Variants in AGAP3 observed in about 807,000 individuals in gnomAD.
The protein encoded by AGAP3 is arf-GAP with GTPase, ANK repeat and PH domain-containing protein 3.
Under a neutral mutation model 96.9 loss-of-function variants are expected in AGAP3, and 24 were observed. The ratio of observed to expected loss-of-function variants is 0.25; its 90% CI spans 0.18 to 0.35. The LOEUF is 0.35. Ranked by LOEUF, AGAP3 falls within the 10% of genes least tolerant of loss-of-function variation. The pLI, the probability that AGAP3 is intolerant of heterozygous loss-of-function variation, is 1.00. For missense variants in AGAP3, 876 were observed against 1,254.2 expected, an observed-to-expected ratio of 0.70 and a Z score of 4.55; for synonymous variants, 563 against 536.1, an observed-to-expected ratio of 1.05 and a Z score of -0.69.
intron 1 of AGAP3, among the ~76,000 whole-genome samples, chr7:151,111,763 C>A (rs1413886409): frequency 6.6e-6 from 1 of 152,190 alleles, no homozygotes; most frequent in Non-Finnish European, 1.5e-5. Flanking sequence ...CCAGGATGCA[C>A]ACTGCGGGCA....
chr7:151,089,451 C>T (rs922125537), intron 1 of AGAP3, among the ~76,000 whole-genome samples: 7 of 152,126 alleles, frequency 4.6e-5, no homozygotes, highest in African/African-American at 1.2e-4. Context: ...CTAAGCCTCT[C>T]GGTGGAAAGG....
Position 151,141,891 on chromosome 7 carries a change from C to G in AGAP3, c.1805-7C>G, listed in dbSNP as rs745660316. The G allele has an allele frequency of 5.6e-6, 9 of 1,614,144 alleles. No individual in the cohort carries two copies. Among genetic ancestry groups the G allele is most frequent in the East Asian group, 4.5e-5 (2 of 44,878 alleles). On this transcript the variant is annotated splice_polypyrimidine_tract_variant and splice_region_variant and intron_variant, in intron 13 of 17. Transcript: ENST00000397238. The surrounding 1 kb of genome is among the most constrained non-coding windows in gnomAD (Gnocchi z 4.2). Reference sequence around the variant, plus strand: ...GAGCCCTGATGGCATAAACACCCCCCCAACAGAGGCAGAGGAGTCGTTTGA... The same window carrying G: ...GAGCCCTGATGGCATAAACACCCCCGCAACAGAGGCAGAGGAGTCGTTTGA...
intron 1 of AGAP3, among the ~76,000 whole-genome samples, chr7:151,112,014 G>A (rs565839398): frequency 1.3e-4 from 20 of 152,334 alleles, no homozygotes; most frequent in Non-Finnish European, 2.2e-4. Context: ...TGTGTTTGCT[G>A]CGTGTCTTTG....
intron 1 of AGAP3, among the ~76,000 whole-genome samples, chr7:151,106,562 TCTC>T (rs1050775065): frequency 1.8e-4 from 28 of 151,982 alleles, no homozygotes; most frequent in Middle Eastern, 6.8e-3. Context: ...ACTGCAGCCT[TCTC>T]CTCCCGGGTT....
chr7:151,142,475 GAC>G lies in AGAP3; in HGVS notation c.2117_2118del (p.His706ProfsTer12). ...TGCATTGAGTGCTCAGGCATCCACC[GAC>G]ACCTGGGGGCTCACCTGTCCCGGGT... On this transcript the variant is annotated frameshift_variant, in exon 16 of 18. Coordinates refer to ENST00000397238, the MANE Select transcript of AGAP3 (RefSeq NM_031946.7). LOFTEE classifies it high-confidence loss of function. This position sits in a 1 kb window ranked among gnomAD's most constrained non-coding sequence, Gnocchi z 7.5. 1.2e-6 allele frequency: 2 copies of G among 1,613,926 alleles called. No individual in the cohort carries two copies. The highest frequency in any genetic ancestry group is 1.7e-6 in the Non-Finnish European group (2 of 1,180,038).
At position 151,094,021 on chromosome 7, in the gene AGAP3, G is replaced by GC. The variant is rs1179065993; in HGVS notation, c.331+6955dup. ...TCTGTCATGCAGCACTTTGAGATGC[G>GC]CCCCCCTTGGAGCCCTCCAGGAGCT... is the stretch of plus-strand genomic sequence containing the variant. On this transcript the variant is annotated intron_variant, in intron 1 of 17. Transcript: ENST00000397238. Among the ~76,000 whole-genome samples, 6 of 152,094 alleles carry GC rather than the reference G, an allele frequency of 3.9e-5. No individual in the cohort carries two copies. In the East Asian group the frequency reaches 7.7e-4, roughly 20 times the overall value.
intron 1 of AGAP3, chr7:151,090,026 G>A (rs1798322046): frequency 6.6e-6 from 1 of 152,262 alleles, no homozygotes; most frequent in Non-Finnish European, 1.5e-5. Context: ...CCTAGAAAGA[G>A]GGATGCAGGA....
chr7:151,100,400 A>G (rs1798790672), intron 1 of AGAP3, among the ~76,000 whole-genome samples: 2 of 152,206 alleles, frequency 1.3e-5, no homozygotes, highest in African/African-American at 4.8e-5. Flanking sequence ...GCCGTACAGC[A>G]GCCCCTAAGA....
At chr7:151,104,190 G>A (rs1208079414) in intron 1 of AGAP3, among the ~76,000 whole-genome samples, 1 of 152,176 alleles carries the variant, frequency 6.6e-6, no homozygotes, top group Non-Finnish European at 1.5e-5. Context: ...GATTGTCAAG[G>A]TGGCCGTAAA....
intron 8 of AGAP3, chr7:151,123,433 C>T (rs774051255): frequency 1.5e-4 from 170 of 1,123,214 alleles, no homozygotes; most frequent in Non-Finnish European, 1.8e-4. Flanking sequence ...GTGGACTTTG[C>T]GCTCCCGGTT....
Position 151,118,617 on chromosome 7 carries a change from C to A in AGAP3, c.954C>A (p.Ala318=). Residue 318 remains alanine (A), a synonymous_variant, in exon 7 of 18, where the codon GCC becomes GCA. Transcript: ENST00000397238. This position sits in a 1 kb window ranked among gnomAD's most constrained non-coding sequence, Gnocchi z 6.1. Reference sequence around the variant, plus strand: ...CCGTGTCCGCCGCCTCCATCCCGGCCGTGCACATCAACCAGGTTCGGCCTG... The same window carrying A: ...CCGTGTCCGCCGCCTCCATCCCGGCAGTGCACATCAACCAGGTTCGGCCTG... ...HSAVSAASIP[A]VHINQATNGG... 3 of 1,613,458 alleles carry A rather than the reference C, an allele frequency of 1.9e-6. No homozygotes were observed. The African/African-American group carries it at 4.0e-5, about 22-fold the overall frequency.
chr7:151,092,522 C>T (rs1020951645), intron 1 of AGAP3, among the ~76,000 whole-genome samples: 5 of 152,182 alleles, frequency 3.3e-5, no homozygotes, highest in Non-Finnish European at 7.3e-5. Context: ...AGCCCAGCCA[C>T]GTGCTTTGAG....
Position 151,142,725 on chromosome 7 carries a change from T to G in AGAP3, c.2273+91T>G. The G allele has an allele frequency of 7.3e-7, 1 of 1,364,912 alleles. No homozygotes were observed. 84.6% of individuals were successfully genotyped at this position (1,364,912 alleles called of 1,614,324 possible). ...AAGATTGGAGTGGCTGTGATGGTAT[T>G]AGAAGGGTTAAAACTGTCTGTTGCT... On this transcript the variant is annotated intron_variant, in intron 16 of 17. Transcript: ENST00000397238. This position sits in a 1 kb window ranked among gnomAD's most constrained non-coding sequence, Gnocchi z 7.5.
chr7:151,092,138 C>T (rs1798423243), intron 1 of AGAP3, among the ~76,000 whole-genome samples: 1 of 152,132 alleles, frequency 6.6e-6, no homozygotes, highest in African/African-American at 2.4e-5. Flanking sequence ...GCGTCACAAG[C>T]GTTTAAGCCT....
Position 151,118,907 on chromosome 7 carries a change from G to A in AGAP3, c.969+275G>A, listed in dbSNP as rs1036476404. ...CACAGCCTGCATTCCCTACCCCGAT[G>A]CCCTCTGCTGAAAGTCCTGGGCCAT... On this transcript the variant is annotated intron_variant, in intron 7 of 17. Coordinates refer to ENST00000397238, the MANE Select transcript of AGAP3 (RefSeq NM_031946.7). This position sits in a 1 kb window ranked among gnomAD's most constrained non-coding sequence, Gnocchi z 6.1. Among the ~76,000 whole-genome samples the A allele has an allele frequency of 6.6e-6, 1 of 152,156 alleles. No homozygotes were observed. The highest frequency in any genetic ancestry group is 2.4e-5 in the African/African-American group (1 of 41,418).
chr7:151,113,025 C>T (rs1251720422), intron 1 of AGAP3, among the ~76,000 whole-genome samples: 6 of 152,192 alleles, frequency 3.9e-5, no homozygotes, highest in Non-Finnish European at 5.9e-5. Flanking sequence ...TGAGCCACCG[C>T]GCCCGACCCT....
chr7:151,088,646 G>A (rs902844019), intron 1 of AGAP3, among the ~76,000 whole-genome samples: 2 of 152,202 alleles, frequency 1.3e-5, no homozygotes, highest in African/African-American at 4.8e-5. Context: ...GCCACAGGAG[G>A]GTGGGGGCAC....
intron 1 of AGAP3, among the ~76,000 whole-genome samples, chr7:151,095,657 T>G (rs767557476): frequency 7.3e-6 from 1 of 136,284 alleles, no homozygotes; most frequent in Non-Finnish European, 1.5e-5. Context: ...TGGAGGAGGT[T>G]TTGGTTAAAG....
chr7:151,093,299 C>G (rs1169924294), intron 1 of AGAP3, among the ~76,000 whole-genome samples: 1 of 152,042 alleles, frequency 6.6e-6, no homozygotes, highest in African/African-American at 2.4e-5. Context: ...CACCAGCACA[C>G]CCAGCTAATT....
Sources: allele counts gnomAD v4.1 joint callset (sites outside exome capture counted in the v4.1 genomes callset), GRCh38; gene constraint gnomAD v4.1.1; non-coding constraint Gnocchi (gnomAD v3.1); transcripts MANE v1.5; gene names NCBI Gene and HGNC (gene_info 2026-07-23, HGNC 2026-07-21).